Variants in BCR observed in about 807,000 individuals in gnomAD.
BCR encodes the protein breakpoint cluster region protein.
Under a neutral mutation model 138.6 loss-of-function variants are expected in BCR, and 58 were observed. The ratio of observed to expected loss-of-function variants is 0.42; its 90% confidence interval spans 0.34 to 0.52. BCR has a LOEUF of 0.52. Ranked by LOEUF, BCR falls within the 20% of genes least tolerant of loss-of-function variation. BCR has a pLI of 0.06. For synonymous variants in BCR, 786 were observed against 730.1 expected (o/e 1.08, Z -1.23); for missense variants, 1,599 against 1,727.2 (o/e 0.93, Z 1.32).
chr22:23,275,754 G>T (rs532011041), intron 8 of BCR, among the ~76,000 whole-genome samples: 2 of 152,304 alleles, frequency 1.3e-5, no homozygotes, highest in South Asian at 2.1e-4. Flanking sequence ...TTCCTGCCAG[G>T]TTCGCCCTAC....
intron 1 of BCR, among the ~76,000 whole-genome samples, chr22:23,253,122 C>G (rs1283008404): frequency 6.6e-6 from 1 of 152,134 alleles, no homozygotes; most frequent in Non-Finnish European, 1.5e-5. Flanking sequence ...TACAAAGATA[C>G]AACTCAGGAA....
chr22:23,226,746 G>C (rs1179384843), intron 1 of BCR, among the ~76,000 whole-genome samples: 1 of 152,242 alleles, frequency 6.6e-6, no homozygotes, highest in Non-Finnish European at 1.5e-5. Context: ...CAAAGCTGAA[G>C]ATATTCATTA....
chr22:23,313,895 G>T (rs142184362), intron 20 of BCR, 73 bp from the exon 21 acceptor site: 1 of 1,187,562 alleles, frequency 8.4e-7, no homozygotes, highest in East Asian at 2.3e-5. Context: ...AGCCCCAGGT[G>T]CTCCATGTGA....
At chr22:23,276,242 A>T (rs1233463098) in intron 8 of BCR, among the ~76,000 whole-genome samples, 1 of 152,098 alleles carries the variant, frequency 6.6e-6, no homozygotes, top group Non-Finnish European at 1.5e-5. Context: ...TACTAAAAAT[A>T]CAAAAAATTA....
At chr22:23,199,149 A>C (rs1185768486) in intron 1 of BCR, 2 of 352,280 alleles carry the variant, frequency 5.7e-6, no homozygotes, top group Non-Finnish European at 5.7e-6. Flanking sequence ...ATTTGGCCCT[A>C]ACAAATGCAG....
intron 16 of BCR, among the ~76,000 whole-genome samples, chr22:23,302,081 C>T (rs935525161): frequency 5.3e-5 from 8 of 152,302 alleles, no homozygotes; most frequent in South Asian, 2.1e-4. Flanking sequence ...AGAGCCCCCC[C>T]ACCGCCACCC....
chr22:23,261,083 G>A (rs765797777), intron 3 of BCR, 29 bp downstream of exon 3: 6 of 1,599,630 alleles, frequency 3.8e-6, no homozygotes, highest in African/African-American at 2.7e-5. Flanking sequence ...GCTGAGCAGG[G>A]CGGGATGGGG....
At chr22:23,283,161 A>G (rs942984085) in intron 8 of BCR, 5 of 152,242 alleles carry the variant, frequency 3.3e-5, no homozygotes, top group East Asian at 1.9e-4. Flanking sequence ...TTACCTAGAC[A>G]TGCCCATTCA....
chr22:23,181,173 C>T lies in BCR; in HGVS notation c.213C>T (p.Asp71=), dbSNP rs1209870122. ...TGGCCAAGGAAAAGAAGAGCTATGA[C>T]CGGCAGCGATGGGGCTTCCGGCGCG... The part of the protein sequence containing the change: ...TLLAKEKKSY[D]RQRWGFRRAA... The change falls in exon 1 of 23, where the codon GAC becomes GAT. Residue 71 remains aspartate (D), a synonymous_variant. Transcript: ENST00000305877. 4.3e-6 allele frequency: 6 copies of T among 1,381,318 alleles called. No individual in the cohort carries two copies. Among genetic ancestry groups the T allele is most frequent in the South Asian group, 1.6e-5 (1 of 61,832 alleles). The allele number at this position is 1,381,318 out of a possible 1,614,324, so 85.6% of individuals were successfully genotyped here.
At chr22:23,201,194 T>C (rs967740350) in intron 1 of BCR, among the ~76,000 whole-genome samples, 5 of 152,258 alleles carry the variant, frequency 3.3e-5, no homozygotes, top group Admixed American at 1.3e-4. Context: ...TGTCACAGTT[T>C]CTGGGCACAG....
chr22:23,314,764 G>C (rs1318816583), intron 22 of BCR, 50 bp downstream of exon 22: 1 of 1,597,314 alleles, frequency 6.3e-7, no homozygotes, highest in African/African-American at 1.3e-5. Context: ...GACAGAGGTG[G>C]CCTCTGCCTG....
chr22:23,298,145 C>G (rs1459746943), intron 16 of BCR, among the ~76,000 whole-genome samples: 1 of 152,094 alleles, frequency 6.6e-6, no homozygotes, highest in Non-Finnish European at 1.5e-5. Context: ...GGACTTGCAG[C>G]CAAGAAGCAG....
At chr22:23,212,958 C>G (rs963898635) in intron 1 of BCR, among the ~76,000 whole-genome samples, 1 of 152,220 alleles carries the variant, frequency 6.6e-6, no homozygotes, top group Non-Finnish European at 1.5e-5. Flanking sequence ...TAACTTGATT[C>G]CTGGGAGGCT....
intron 8 of BCR, among the ~76,000 whole-genome samples, chr22:23,274,010 C>T (rs1002074129): frequency 6.6e-6 from 1 of 152,206 alleles, no homozygotes; most frequent in African/African-American, 2.4e-5. Context: ...CTCACTCAGC[C>T]ACCTCTTTCC....
chr22:23,240,872 A>G (rs1327598890), intron 1 of BCR, among the ~76,000 whole-genome samples: 1 of 151,504 alleles, frequency 6.6e-6, no homozygotes, highest in Non-Finnish European at 1.5e-5. Flanking sequence ...CCCCCTTTCT[A>G]CTTTCTGTCT....
rs934142577 is a variant in BCR at position 23,283,810 on chromosome 22, C to T, written c.2116-167C>T. 2.3e-5 allele frequency: 21 copies of T among 903,456 alleles called. No homozygotes were observed. In the African/African-American group the frequency reaches 3.2e-4, roughly 14 times the overall value. 56.0% of individuals were successfully genotyped at this position (903,456 alleles called of 1,614,324 possible). A position where few individuals can be genotyped will look rare whatever the true frequency, so the allele number is the denominator to read the frequency against. The stretch of plus-strand genomic sequence containing the variant: ...TGTGTTAGCAGGACAGTGAGATGAA[C>T]AAAACGTTCTGGAAAGTGGGTGTGA... On this transcript the variant is annotated intron_variant, in intron 8 of 22. Coordinates refer to ENST00000305877, the MANE Select transcript of BCR (RefSeq NM_004327.4).
chr22:23,294,727 C>T (rs532447899), intron 15 of BCR, among the ~76,000 whole-genome samples: 6 of 152,248 alleles, frequency 3.9e-5, no homozygotes, highest in African/African-American at 1.4e-4. Context: ...AGTACCCTGG[C>T]GATTGTGAGG....
At chr22:23,190,779 C>T (rs1286804571) in intron 1 of BCR, among the ~76,000 whole-genome samples, 3 of 152,080 alleles carry the variant, frequency 2.0e-5, no homozygotes, top group Non-Finnish European at 4.4e-5. Flanking sequence ...CTAGAGGGGC[C>T]TAGAGGACAC....
rs890301639 is a variant in BCR at position 23,303,065 on chromosome 22, A to G, written c.3013-6359A>G. ...AATTTAATTCACCTGTGAGAGGGCA[A>G]GTGCCTGGCTCAGCAATTTCTAGTG... On this transcript the variant is annotated intron_variant, in intron 16 of 22. Transcript: ENST00000305877. Among the ~76,000 whole-genome samples, 10 of 149,912 alleles carry G rather than the reference A, an allele frequency of 6.7e-5. No individual in the cohort carries two copies. The East Asian group carries it at 1.8e-3, about 27-fold the overall frequency.
Sources: gnomAD v4.1 joint callset for allele counts (sites outside exome capture counted in the v4.1 genomes callset) on GRCh38, gnomAD v4.1.1 for gene constraint, MANE v1.5 for transcripts, NCBI Gene and HGNC (gene_info 2026-07-23, HGNC 2026-07-21) for gene names.